CSMD1: variants seen among roughly 807,000 people sequenced by gnomAD.
CSMD1 encodes CUB and sushi domain-containing protein 1.
A neutral mutation model predicts 417.5 loss-of-function variants in CSMD1; 213 were observed. The ratio of observed to expected loss-of-function variants is 0.51; its 90% CI spans 0.46 to 0.57. The LOEUF is 0.57. CSMD1 is among the 20% of genes least tolerant of loss of function. The pLI, the probability that CSMD1 is intolerant of heterozygous loss-of-function variation, is 0.00. For synonymous variants in CSMD1, 2,862 were observed against 1,736.8 expected, an observed-to-expected ratio of 1.65 and a Z score of -16.11; for missense variants, 6,923 against 4,529.7, an observed-to-expected ratio of 1.53 and a Z score of -15.17.
intron 7 of CSMD1, among the ~76,000 whole-genome samples, chr8:3,695,485 C>A (rs534739440): frequency 6.6e-6 from 1 of 152,132 alleles, no homozygotes; most frequent in African/African-American, 2.4e-5. Flanking sequence ...CTGGCTTTAC[C>A]TTATGATAAT....
intron 3 of CSMD1, among the ~76,000 whole-genome samples, chr8:4,213,831 G>A (rs1159862344): frequency 1.3e-5 from 2 of 152,186 alleles, no homozygotes; most frequent in South Asian, 2.1e-4. Flanking sequence ...AAAAGAGACA[G>A]TTATTGAACC....
chr8:3,687,061 C>T (rs1369615453), intron 7 of CSMD1, among the ~76,000 whole-genome samples: 1 of 152,180 alleles, frequency 6.6e-6, no homozygotes, highest in Non-Finnish European at 1.5e-5. Flanking sequence ...GAGGATGTGA[C>T]AGTATTGGAT....
At chr8:4,730,101 T>A (rs946087697) in intron 1 of CSMD1, among the ~76,000 whole-genome samples, 3 of 152,274 alleles carry the variant, frequency 2.0e-5, no homozygotes, top group South Asian at 2.1e-4. Context: ...ATTACCCCTT[T>A]TCGTCTCCGC....
At chr8:4,338,809 A>G (rs1405589619) in intron 3 of CSMD1, among the ~76,000 whole-genome samples, 1 of 152,052 alleles carries the variant, frequency 6.6e-6, no homozygotes, top group Non-Finnish European at 1.5e-5. Flanking sequence ...TGTTGCAATT[A>G]CTCTTGTGTT....
At chr8:3,781,037 A>C (rs1184928332) in intron 5 of CSMD1, among the ~76,000 whole-genome samples, 1 of 152,148 alleles carries the variant, frequency 6.6e-6, no homozygotes, top group African/African-American at 2.4e-5. Flanking sequence ...GGGAAACTGA[A>C]ATCTAAGCAA....
intron 7 of CSMD1, among the ~76,000 whole-genome samples, chr8:3,660,569 A>G (rs1219120364): frequency 9.1e-6 from 1 of 109,744 alleles, no homozygotes; most frequent in African/African-American, 3.5e-5. Context: ...AGTCCAGGCA[A>G]GAGTGCAGTG....
At chr8:4,026,137 A>G (rs997439087) in intron 4 of CSMD1, among the ~76,000 whole-genome samples, 3 of 152,168 alleles carry the variant, frequency 2.0e-5, no homozygotes, top group African/African-American at 7.2e-5. Flanking sequence ...TGAAATTTAC[A>G]TCTCTCATAA....
rs111488806 is a variant in CSMD1 at position 3,097,826 on chromosome 8, C to G, written c.6950-789G>C. Among the ~76,000 whole-genome samples the G allele has an allele frequency of 3.7e-3, 564 of 152,214 alleles. 1 individual carries two copies. The highest frequency in any genetic ancestry group is 0.013 in the African/African-American group (546 of 41,538). ...ACGTTCGATGTGATTGCTCGGGACC[C>G]TGGGAAGAGGAAGAATTAGAGACCT... On this transcript the variant is annotated intron_variant, in intron 46 of 69. Coordinates refer to ENST00000635120, the MANE Select transcript of CSMD1 (RefSeq NM_033225.6).
intron 3 of CSMD1, among the ~76,000 whole-genome samples, chr8:4,251,360 T>G (rs1054416494): frequency 6.6e-6 from 1 of 152,190 alleles, no homozygotes; most frequent in Non-Finnish European, 1.5e-5. Context: ...TTTAAGAGTT[T>G]GGAAGGTTTT....
intron 1 of CSMD1, among the ~76,000 whole-genome samples, chr8:4,649,843 T>A (rs1803771870): frequency 6.6e-6 from 1 of 152,244 alleles, no homozygotes; most frequent in Non-Finnish European, 1.5e-5. Flanking sequence ...ATATGAGTTA[T>A]GCCTTTAACA....
chr8:4,321,400 C>CA lies in CSMD1; in HGVS notation c.415+98552dup, dbSNP rs1799268846. Among the ~76,000 whole-genome samples, 6 of 152,112 alleles carry CA rather than the reference C, an allele frequency of 3.9e-5. No individual in the cohort carries two copies. In the South Asian group the frequency reaches 1.2e-3, roughly 32 times the overall value. On this transcript the variant is annotated intron_variant, in intron 3 of 69. Coordinates refer to ENST00000635120, the MANE Select transcript of CSMD1 (RefSeq NM_033225.6). ...ACGGAGCAATCAGAAGAGTTTTTTT[C>CA]ATCCCAAACCTGCTGCTCCCACTTA... is the stretch of plus-strand genomic sequence containing the variant.
At chr8:3,612,557 A>T (rs1011651554) in intron 8 of CSMD1, among the ~76,000 whole-genome samples, 2 of 152,148 alleles carry the variant, frequency 1.3e-5, no homozygotes, top group African/African-American at 2.4e-5. Flanking sequence ...ATTCTTGCCC[A>T]TAAAGCAATT....
At position 2,951,121 on chromosome 8, in the gene CSMD1, C is replaced by T; in HGVS notation, c.10194G>A (p.Lys3398=). The change falls in exon 66 of 70, where the codon AAG becomes AAA. Residue 3398 remains lysine, a synonymous_variant. Coordinates refer to ENST00000635120, the MANE Select transcript of CSMD1 (RefSeq NM_033225.6). ...TFSEASPVEL[K]LTGIYKKEEA... is the part of the protein sequence containing the mutation. ...GAATTCTTCGGGACCTACCTGTCAACTTCAGCTCCACTGGCGAGGCTTCGC... is the reference window on the plus strand; with the variant it reads ...GAATTCTTCGGGACCTACCTGTCAATTTCAGCTCCACTGGCGAGGCTTCGC... 6.2e-7 allele frequency: 1 copy of T among 1,612,574 alleles called. No individual in the cohort carries two copies. The highest frequency in any genetic ancestry group is 8.5e-7 in the Non-Finnish European group (1 of 1,179,192).
At chr8:4,257,006 G>T (rs1429865183) in intron 3 of CSMD1, among the ~76,000 whole-genome samples, 2 of 152,146 alleles carry the variant, frequency 1.3e-5, no homozygotes, top group African/African-American at 4.8e-5. Flanking sequence ...ACTTCCAAAT[G>T]ATGCAAGCTA....
intron 1 of CSMD1, among the ~76,000 whole-genome samples, chr8:4,818,160 G>C (rs138555609): frequency 2.0e-5 from 3 of 152,116 alleles, no homozygotes; most frequent in Non-Finnish European, 4.4e-5. Flanking sequence ...TGTGACAAAT[G>C]AGATTTATAT....
chr8:3,854,322 T>C (rs1223585112), intron 5 of CSMD1, among the ~76,000 whole-genome samples: 3 of 151,870 alleles, frequency 2.0e-5, no homozygotes, highest in Non-Finnish European at 2.9e-5. Context: ...CTGCCCTTTT[T>C]ATTTTGTAGT....
chr8:4,408,455 T>G (rs1796464068), intron 3 of CSMD1, among the ~76,000 whole-genome samples: 2 of 152,224 alleles, frequency 1.3e-5, no homozygotes, highest in Non-Finnish European at 2.9e-5. Flanking sequence ...TACAAATAAC[T>G]GCATGAATTA....
chr8:4,618,414 G>C (rs1439494401), intron 2 of CSMD1, among the ~76,000 whole-genome samples: 3 of 152,088 alleles, frequency 2.0e-5, no homozygotes, highest in Non-Finnish European at 4.4e-5. Context: ...TTGAACAGAA[G>C]AGCAAAGGTG....
intron 3 of CSMD1, among the ~76,000 whole-genome samples, chr8:4,397,258 T>A (rs1307743585): frequency 6.6e-6 from 1 of 152,170 alleles, no homozygotes; most frequent in East Asian, 1.9e-4. Context: ...ATGCGTTTTT[T>A]CATAAAAACT....
Sources: allele counts gnomAD v4.1 joint callset (sites outside exome capture counted in the v4.1 genomes callset), GRCh38; gene constraint gnomAD v4.1.1; transcripts MANE v1.5; gene names NCBI Gene and HGNC (gene_info 2026-07-23, HGNC 2026-07-21).